The following PRDM11 variants were observed in gnomAD, a reference collection of about 807,000 sequenced individuals.
The protein encoded by PRDM11 is PR/SET domain 11, also known as PR domain-containing protein 11.
Under a neutral mutation model 97.8 loss-of-function variants are expected in PRDM11, and 20 were observed. The ratio of observed to expected loss-of-function variants is 0.20; its 90% CI spans 0.14 to 0.30. PRDM11 has a LOEUF of 0.30. Ranked by LOEUF, PRDM11 falls within the 10% of genes least tolerant of loss-of-function variation. The pLI, the probability that PRDM11 is intolerant of heterozygous loss-of-function variation, is 1.00. For missense variants in PRDM11, 1,139 were observed against 1,555.2 expected, an observed-to-expected ratio of 0.73 and a Z score of 4.50; for synonymous variants, 599 against 637.7, an observed-to-expected ratio of 0.94 and a Z score of 0.91.
At chr11:45,178,085 T>G (rs997178477) in intron 1 of PRDM11, among the ~76,000 whole-genome samples, 1 of 152,090 alleles carries the variant, frequency 6.6e-6, no homozygotes, top group Non-Finnish European at 1.5e-5. Context: ...AGGAAAACGT[T>G]TATATGCCTC....
chr11:45,199,182 G>C (rs1364998728), intron 4 of PRDM11, among the ~76,000 whole-genome samples: 1 of 152,156 alleles, frequency 6.6e-6, no homozygotes. Flanking sequence ...GCATCTCTCA[G>C]TCTTCATTTT....
intron 1 of PRDM11, among the ~76,000 whole-genome samples, chr11:45,125,657 A>G (rs1167486618): frequency 6.6e-6 from 1 of 152,090 alleles, no homozygotes; most frequent in Admixed American, 6.5e-5. Flanking sequence ...GTTTTGAGTG[A>G]GTTTCTTAAT....
chr11:45,170,765 G>A (rs2863158), intron 1 of PRDM11, among the ~76,000 whole-genome samples: 4,144 of 152,270 alleles, frequency 0.027, 176 homozygotes, highest in African/African-American at 0.094. Flanking sequence ...TGGACAGTAG[G>A]GGTAGAGTGG....
Position 45,138,019 on chromosome 11 carries a change from G to A in PRDM11, c.96+42118G>A, listed in dbSNP as rs912181000. On this transcript the variant is annotated intron_variant, in intron 1 of 6. Transcript: ENST00000530656. Reference sequence around the variant, plus strand: ...AAAGAAAGGAAGACCTACACCACACGGGGAAAACACAGCTTCACCCTCCAG... The same window carrying A: ...AAAGAAAGGAAGACCTACACCACACAGGGAAAACACAGCTTCACCCTCCAG... Among the ~76,000 whole-genome samples the A allele has an allele frequency of 2.0e-5, 3 of 152,084 alleles. No individual in the cohort carries two copies. The South Asian group carries it at 6.2e-4, about 31-fold the overall frequency.
At chr11:45,094,934 TGAG>T (rs1292501038), upstream of PRDM11, among the ~76,000 whole-genome samples, 1 of 149,074 alleles carries the variant, frequency 6.7e-6, no homozygotes, top group African/African-American at 2.5e-5. Flanking sequence ...GGGAGGGAGA[TGAG>T]GAGACACTGG....
chr11:45,124,573 C>A (rs1852520932), intron 1 of PRDM11, among the ~76,000 whole-genome samples: 1 of 152,162 alleles, frequency 6.6e-6, no homozygotes, highest in Non-Finnish European at 1.5e-5. Context: ...TGTCAAAGGC[C>A]TTTTCTGCAT....
intron 5 of PRDM11, chr11:45,213,419 A>G (rs1169299626): frequency 9.0e-6 from 4 of 446,516 alleles, no homozygotes; most frequent in Non-Finnish European, 1.8e-5. Flanking sequence ...GGCCTCCCAC[A>G]TGTGACCTCC....
At chr11:45,207,218 G>A (rs1427486598) in intron 5 of PRDM11, among the ~76,000 whole-genome samples, 2 of 152,216 alleles carry the variant, frequency 1.3e-5, no homozygotes, top group African/African-American at 4.8e-5. Context: ...TCCAGCTTCC[G>A]TGGTGTGGCT....
upstream of PRDM11, among the ~76,000 whole-genome samples, chr11:45,144,082 T>G (rs962999473): frequency 3.3e-5 from 5 of 152,210 alleles, no homozygotes; most frequent in Non-Finnish European, 4.4e-5. Context: ...TGCCTAGGGC[T>G]TCCCTTCTGA....
chr11:45,184,228 C>T (rs1852620658), intron 4 of PRDM11, among the ~76,000 whole-genome samples: 1 of 152,208 alleles, frequency 6.6e-6, no homozygotes, highest in East Asian at 1.9e-4. Flanking sequence ...TGGAGTGCAG[C>T]ACACACAGGG....
chr11:45,128,614 G>A (rs1852643887), intron 1 of PRDM11, among the ~76,000 whole-genome samples: 1 of 143,028 alleles, frequency 7.0e-6, no homozygotes, highest in Non-Finnish European at 1.5e-5. Flanking sequence ...TATAAAAAAA[G>A]TAAAAAATAC....
intron 1 of PRDM11, among the ~76,000 whole-genome samples, chr11:45,131,005 T>A (rs1852707146): frequency 6.6e-6 from 1 of 152,190 alleles, no homozygotes. Context: ...ACAACTCAAA[T>A]GTCCATCAAC....
In PRDM11 at chr11:45,224,862, G is replaced by T; in HGVS notation, c.1369+19G>T. ...CCTGCAGGTAAGTTGGTTTGGATGA[G>T]ATTATTGTCGGAGGGCAGAGTACGC... On this transcript the variant is annotated intron_variant, in intron 7 of 7. Coordinates refer to ENST00000683152, the MANE Select transcript of PRDM11 (RefSeq NM_001384648.1). 1.9e-6 allele frequency: 3 copies of T among 1,611,456 alleles called. No homozygotes were observed. The highest frequency in any genetic ancestry group is 2.5e-6 in the Non-Finnish European group (3 of 1,180,018).
At chr11:45,122,702 T>A (rs1291650052) in intron 1 of PRDM11, among the ~76,000 whole-genome samples, 1 of 152,168 alleles carries the variant, frequency 6.6e-6, no homozygotes, top group Non-Finnish European at 1.5e-5. Flanking sequence ...TAGTATTCCA[T>A]GGTGTATATG....
chr11:45,099,105 G>A (rs779042704), intron 1 of PRDM11, among the ~76,000 whole-genome samples: 1 of 152,152 alleles, frequency 6.6e-6, no homozygotes. Flanking sequence ...ACTGGGGCAG[G>A]GGCAGTGGAG....
chr11:45,168,300 G>A (rs1459511841), intron 1 of PRDM11, among the ~76,000 whole-genome samples: 2 of 152,178 alleles, frequency 1.3e-5, no homozygotes, highest in African/African-American at 4.8e-5. Flanking sequence ...TCTCCTCTGG[G>A]TCCTGTGGTC....
chr11:45,166,993 T>C (rs77518384), intron 1 of PRDM11, among the ~76,000 whole-genome samples: 2,470 of 152,328 alleles, frequency 0.016, 67 homozygotes, highest in African/African-American at 0.056. Flanking sequence ...TCTTTATTGC[T>C]CAGCCCAGCT....
At chr11:45,164,533 G>A (rs1043209670) in intron 1 of PRDM11, among the ~76,000 whole-genome samples, 1 of 152,248 alleles carries the variant, frequency 6.6e-6, no homozygotes, top group East Asian at 1.9e-4. Context: ...CCACCGTGAG[G>A]GCTGTGGTGA....
At chr11:45,185,137 T>A (rs7942347) in intron 4 of PRDM11, among the ~76,000 whole-genome samples, 132,391 of 152,150 alleles carry the variant, frequency 0.87, 58,884 homozygotes, top group Non-Finnish European at 0.97. Flanking sequence ...CTACCAGGGA[T>A]GCCATGGGTG....
Sources: allele counts gnomAD v4.1 joint callset (sites outside exome capture counted in the v4.1 genomes callset), GRCh38; gene constraint gnomAD v4.1.1; transcripts MANE v1.5; gene names NCBI Gene and HGNC (gene_info 2026-07-23, HGNC 2026-07-21).